Variants in DCAF8 observed in about 807,000 individuals in gnomAD.
DCAF8 encodes the protein DDB1 and CUL4 associated factor 8.
Under a neutral mutation model 68.0 loss-of-function variants are expected in DCAF8, and 20 were observed. The ratio of observed to expected loss-of-function variants is 0.29; its 90% confidence interval spans 0.21 to 0.43. The LOEUF is 0.43. Ranked by LOEUF, DCAF8 falls within the 20% of genes least tolerant of loss-of-function variation. DCAF8 has a pLI of 1.00. For missense variants in DCAF8, 460 were observed against 771.0 expected (o/e 0.60, Z 4.78); for synonymous variants, 230 against 276.9 (o/e 0.83, Z 1.68).
chr1:160,259,551 A>AAAC (rs1168135263), intron 2 of DCAF8, among the ~76,000 whole-genome samples: 1 of 125,482 alleles, frequency 8.0e-6, no homozygotes, highest in African/African-American at 3.2e-5. Flanking sequence ...AACAAACAAA[A>AAAC]AAAACCTCTT....
chr1:160,228,682 C>A (rs1321715305), intron 7 of DCAF8, among the ~76,000 whole-genome samples: 3 of 151,292 alleles, frequency 2.0e-5, no homozygotes, highest in Non-Finnish European at 4.4e-5. Context: ...TTTTAATAAC[C>A]CTAAACTAAA....
intron 2 of DCAF8, among the ~76,000 whole-genome samples, chr1:160,251,058 T>C (rs887026189): frequency 2.0e-5 from 3 of 152,216 alleles, no homozygotes; most frequent in African/African-American, 7.2e-5. Flanking sequence ...AACCAGTGCC[T>C]GCCTCATTCT....
At chr1:160,242,575 G>A (rs1036585967) in intron 3 of DCAF8, among the ~76,000 whole-genome samples, 1 of 152,112 alleles carries the variant, frequency 6.6e-6, no homozygotes, top group Non-Finnish European at 1.5e-5. Context: ...AAGGGCCAGA[G>A]GGTATCACAA....
intron 2 of DCAF8, among the ~76,000 whole-genome samples, chr1:160,257,014 A>G (rs1397435796): frequency 6.6e-6 from 1 of 152,236 alleles, no homozygotes; most frequent in Admixed American, 6.5e-5. Flanking sequence ...GACTAAATCA[A>G]TAAAGAGCAA....
chr1:160,224,954 G>T, intron 9 of DCAF8, 108 bp downstream of exon 9: 1 of 1,048,400 alleles, frequency 9.5e-7, no homozygotes, highest in Non-Finnish European at 1.5e-6. Flanking sequence ...TGCTCTACTT[G>T]GAGCTATAGC....
chr1:160,239,447 C>G, intron 4 of DCAF8: 4 of 1,438,078 alleles, frequency 2.8e-6, no homozygotes, highest in Non-Finnish European at 3.6e-6. Flanking sequence ...ACACTGCCTC[C>G]TACCAGCACA....
intron 10 of DCAF8, 26 bp from the exon 11 acceptor site, chr1:160,222,807 C>A: frequency 6.2e-7 from 1 of 1,614,014 alleles, no homozygotes; most frequent in Non-Finnish European, 8.5e-7. Flanking sequence ...AGGGAAGAAA[C>A]CACATGAGGG....
chr1:160,238,655 A>G lies in DCAF8; in HGVS notation c.816T>C (p.Cys272=). Residue 272 remains cysteine, a synonymous_variant, in exon 5 of 14, where the codon TGT becomes TGC. Transcript: ENST00000368074. ...GGGCCACACGTTTTGTATTCTTGCAACACTGTGTGGCAGACAGTTCTGCTA... is the reference window on the plus strand; with the variant it reads ...GGGCCACACGTTTTGTATTCTTGCAGCACTGTGTGGCAGACAGTTCTGCTA... The part of the protein sequence containing the change: ...VRVAELSATQ[C]CKNTKRVAQH... The G allele has an allele frequency of 6.2e-7, 1 of 1,613,758 alleles. No homozygotes were observed. The highest frequency in any genetic ancestry group is 1.1e-5 in the South Asian group (1 of 90,994).
chr1:160,239,917 C>A lies in DCAF8; in HGVS notation c.503G>T (p.Arg168Leu). 1.2e-6 allele frequency: 2 copies of A among 1,614,230 alleles called. No individual in the cohort carries two copies. The highest frequency in any genetic ancestry group is 1.7e-6 in the Non-Finnish European group (2 of 1,180,042). Residue 168 changes from arginine (R) to leucine (L), a missense_variant, in exon 4 of 14, where the codon CGC becomes CTC. Physicochemically the swap from Arg to Leu is moderately radical, Grantham distance 102. Around this residue, in one of 8 missense-constraint regions of DCAF8, gnomAD observed 170 missense variants for 318.2 expected, o/e 0.53. Coordinates refer to ENST00000368074, the MANE Select transcript of DCAF8 (RefSeq NM_015726.4). ...TGCCCCACAGGCCTCATAGACAAAG[C>A]GGGCACTTGAACCCAGCTCCCGCTC... ...LRERELGSSA[R>L]FVYEACGARV...
chr1:160,251,770 T>C (rs1187873865), intron 2 of DCAF8, among the ~76,000 whole-genome samples: 1 of 152,094 alleles, frequency 6.6e-6, no homozygotes, highest in Non-Finnish European at 1.5e-5. Context: ...CACCTGGCCG[T>C]ATAGTGTTTA....
chr1:160,219,301 A>G (rs1452759055), intron 11 of DCAF8: 1 of 204,836 alleles, frequency 4.9e-6, no homozygotes, highest in Non-Finnish European at 9.7e-6. Context: ...GACCTCATTC[A>G]CTCCAGATTC....
rs890341961 is a variant in DCAF8, at chr1:160,217,423, C to T, written c.*169G>A. 8 of 551,106 alleles carry T rather than the reference C, an allele frequency of 1.5e-5. No homozygotes were observed. Among genetic ancestry groups the T allele is most frequent in the Non-Finnish European group, 2.6e-5 (8 of 312,266 alleles). 34.1% of individuals were successfully genotyped at this position (551,106 alleles called of 1,614,324 possible). ...GGCTCAACTCCCATTCCTAGGTACT[C>T]TTTGTTGGTTCACTCCTCTGGTTTG... is the stretch of plus-strand genomic sequence containing the variant. On this transcript the variant is annotated 3_prime_UTR_variant, in exon 14 of 14. Coordinates refer to ENST00000368074, the MANE Select transcript of DCAF8 (RefSeq NM_015726.4).
At chr1:160,245,724 G>T (rs1571104545) in intron 2 of DCAF8, among the ~76,000 whole-genome samples, 2 of 152,188 alleles carry the variant, frequency 1.3e-5, no homozygotes, top group East Asian at 3.8e-4. Flanking sequence ...CATTTTTGAG[G>T]TAGACAGTTT....
At chr1:160,228,024 G>A (rs903231222) in intron 7 of DCAF8, among the ~76,000 whole-genome samples, 4 of 151,912 alleles carry the variant, frequency 2.6e-5, no homozygotes, top group Non-Finnish European at 5.9e-5. Context: ...CCAAGTAGTT[G>A]GGACTACAGG....
At chr1:160,260,820 TC>T (rs1278741294) in intron 2 of DCAF8, among the ~76,000 whole-genome samples, 1 of 151,562 alleles carries the variant, frequency 6.6e-6, no homozygotes, top group Non-Finnish European at 1.5e-5. Flanking sequence ...CACTCATCAC[TC>T]CCCAGCTTTT....
In DCAF8 at chr1:160,235,775, G is replaced by A. The variant is rs751705612; in HGVS notation, c.959+1360C>T. ...TTTTTCTGAGATGGAGTTTTGCTCC[G>A]TCACTCAGGATGGAGTGCAGTGGCA... On this transcript the variant is annotated intron_variant, in intron 6 of 13. Transcript: ENST00000368074. 1.2e-3 allele frequency among the ~76,000 whole-genome samples: 186 copies of A among 149,776 alleles called. 2 individuals are homozygous for A. The highest frequency in any genetic ancestry group is 2.1e-3 in the Admixed American group (31 of 15,004).
At position 160,240,087 on chromosome 1, in the gene DCAF8, T is replaced by G; in HGVS notation, c.333A>C (p.Glu111Asp). ...GCTGTACACGGCGCCGAGGCTGCTCTTCTTCCTCCTCTTCTTCCTCCTCTT... is the reference window on the plus strand; with the variant it reads ...GCTGTACACGGCGCCGAGGCTGCTCGTCTTCCTCCTCTTCTTCCTCCTCTT... ...EEEEEEEEEE[E>D]EQPRRRVQRK... is the part of the protein sequence containing the mutation. Residue 111 changes from glutamate to aspartate, a missense_variant, in exon 4 of 14, where the codon GAA (glutamate) becomes GAC (aspartate). Around this residue, in one of 8 missense-constraint regions of DCAF8, gnomAD observed 156 missense variants for 181.4 expected, o/e 0.86. Transcript: ENST00000368074. 6.5e-7 allele frequency: 1 copy of G among 1,534,554 alleles called. No homozygotes were observed. The highest frequency in any genetic ancestry group is 1.3e-5 in the African/African-American group (1 of 74,420).
intron 2 of DCAF8, among the ~76,000 whole-genome samples, chr1:160,253,510 C>T (rs1373466794): frequency 7.3e-5 from 11 of 151,530 alleles, no homozygotes; most frequent in East Asian, 3.9e-4. Flanking sequence ...TAGCCACACG[C>T]GGTGGCATAC....
At chr1:160,248,994 C>T (rs1201297544) in intron 2 of DCAF8, among the ~76,000 whole-genome samples, 2 of 152,028 alleles carry the variant, frequency 1.3e-5, no homozygotes, top group Non-Finnish European at 2.9e-5. Context: ...GAATTTGAGG[C>T]TGGCCTGACC....
Sources: gnomAD v4.1 joint callset for allele counts (sites outside exome capture counted in the v4.1 genomes callset) on GRCh38, gnomAD v4.1.1 for gene constraint, gnomAD v4.1.1 regional missense constraint, MANE v1.5 for transcripts, NCBI Gene and HGNC (gene_info 2026-07-23, HGNC 2026-07-21) for gene names.